FBLN5: variants seen among roughly 807,000 people sequenced by gnomAD.
FBLN5 encodes the protein fibulin 5.
FBLN5 carries 24 observed loss-of-function variants against 61.6 expected under a neutral mutation model. The observed-to-expected ratio is 0.39, with a 90% CI of 0.28 to 0.55. The LOEUF is 0.55. Among genes scored for constraint, FBLN5 ranks in the 20% least tolerant of loss-of-function variants. FBLN5 has a pLI of 0.65. For synonymous variants in FBLN5, 213 were observed against 219.8 expected (o/e 0.97, Z 0.27); for missense variants, 470 against 594.1 (o/e 0.79, Z 2.17).
At chr14:91,922,900 A>T (rs1443507031) in intron 4 of FBLN5, among the ~76,000 whole-genome samples, 4 of 152,174 alleles carry the variant, frequency 2.6e-5, no homozygotes, top group African/African-American at 9.7e-5. Flanking sequence ...CAGAGGGCTC[A>T]TCCCTGTTTT....
At chr14:91,935,383 C>G (rs1464221666) in intron 4 of FBLN5, among the ~76,000 whole-genome samples, 1 of 152,248 alleles carries the variant, frequency 6.6e-6, no homozygotes, top group Non-Finnish European at 1.5e-5. Flanking sequence ...ACCCAAGGCC[C>G]CCTGCCAAAA....
chr14:91,904,870 T>C (rs1251951155), intron 4 of FBLN5, among the ~76,000 whole-genome samples: 1 of 152,314 alleles, frequency 6.6e-6, no homozygotes, highest in East Asian at 1.9e-4. Flanking sequence ...ATGGAGTAAG[T>C]GATGTTTCCT....
chr14:91,888,686 G>A (rs1016895991), intron 6 of FBLN5, among the ~76,000 whole-genome samples: 2 of 151,254 alleles, frequency 1.3e-5, no homozygotes, highest in African/African-American at 2.4e-5. Context: ...AATTGTTTTT[G>A]AAGATTGAGA....
At chr14:91,888,518 G>C (rs1263573589) in intron 6 of FBLN5, among the ~76,000 whole-genome samples, 1 of 150,188 alleles carries the variant, frequency 6.7e-6, no homozygotes, top group Non-Finnish European at 1.5e-5. Context: ...CTGAGACAAG[G>C]GAATCGCTTG....
At chr14:91,940,441 C>A in intron 3 of FBLN5, 124 bp downstream of exon 3, 2 of 841,146 alleles carry the variant, frequency 2.4e-6, no homozygotes, top group South Asian at 2.8e-5. Flanking sequence ...TGACTTCAGT[C>A]ATTCCATGTC....
In FBLN5 at chr14:91,932,687, G is replaced by C. The variant is rs192331130; in HGVS notation, c.379+4260C>G. Among the ~76,000 whole-genome samples, 550 of 152,320 alleles carry C rather than the reference G, an allele frequency of 3.6e-3. 3 individuals are homozygous for C. The highest frequency in any genetic ancestry group is 0.012 in the African/African-American group (499 of 41,568). ...AATTGGATCAAGTCCCTAGATCTATGAGCAGCTTACAAGAAAATATAGGGG... is the reference window on the plus strand; with the variant it reads ...AATTGGATCAAGTCCCTAGATCTATCAGCAGCTTACAAGAAAATATAGGGG... On this transcript the variant is annotated intron_variant, in intron 4 of 10. Transcript: ENST00000342058.
rs1015210796 is a variant in FBLN5 at position 91,947,333 on chromosome 14, C to T, written c.-104G>A. ...CGGCCTCCTCTGGGCCCTCGGGGCT[C>T]GCGGGTGTTTTATTCCAGAGGGGCC... On this transcript the variant is annotated 5_prime_UTR_variant, in exon 1 of 11. Coordinates refer to ENST00000342058, the MANE Select transcript of FBLN5 (RefSeq NM_006329.4). This position sits in a 1 kb window ranked among gnomAD's most constrained non-coding sequence, Gnocchi z 4.3. 9.0e-5 allele frequency: 124 copies of T among 1,378,188 alleles called. No homozygotes were observed. The highest frequency in any genetic ancestry group is 1.2e-4 in the Non-Finnish European group (114 of 972,014). The allele number at this position is 1,378,188 out of a possible 1,614,324, so 85.4% of individuals were successfully genotyped here.
intron 4 of FBLN5, among the ~76,000 whole-genome samples, chr14:91,906,716 G>A (rs996497645): frequency 1.3e-5 from 2 of 152,206 alleles, no homozygotes; most frequent in African/African-American, 2.4e-5. Context: ...GCAGGGAGGC[G>A]AGGGAGCTAC....
intron 3 of FBLN5, among the ~76,000 whole-genome samples, chr14:91,938,071 C>T (rs1461027729): frequency 6.6e-6 from 1 of 152,188 alleles, no homozygotes; most frequent in African/African-American, 2.4e-5. Flanking sequence ...ACATACTATA[C>T]TCTGAAAATA....
chr14:91,911,956 A>G (rs1316000302), intron 4 of FBLN5, among the ~76,000 whole-genome samples: 1 of 152,252 alleles, frequency 6.6e-6, no homozygotes, highest in Non-Finnish European at 1.5e-5. Context: ...TTACTTTAAA[A>G]AGCATTTAGG....
At chr14:91,886,959 C>T (rs1250426682) in intron 7 of FBLN5, among the ~76,000 whole-genome samples, 1 of 152,132 alleles carries the variant, frequency 6.6e-6, no homozygotes, top group Admixed American at 6.5e-5. Context: ...AAGGTAGCCC[C>T]ATTAATTTTT....
intron 4 of FBLN5, among the ~76,000 whole-genome samples, chr14:91,935,015 TAGAA>T (rs2055989520): frequency 6.6e-6 from 1 of 152,138 alleles, no homozygotes; most frequent in African/African-American, 2.4e-5. Flanking sequence ...GAAGGGAAGT[TAGAA>T]AGAACTCAGG....
chr14:91,883,671 A>C (rs1331955248), intron 7 of FBLN5, among the ~76,000 whole-genome samples: 1 of 147,462 alleles, frequency 6.8e-6, no homozygotes, highest in Non-Finnish European at 1.5e-5. Context: ...AAAAACACAC[A>C]CACACAAAAA....
In FBLN5 at chr14:91,937,002, G is replaced by A. The variant is rs1173799903; in HGVS notation, c.324C>T (p.Ser108=). 2.5e-6 allele frequency: 4 copies of A among 1,614,056 alleles called. No homozygotes were observed. The highest frequency in any genetic ancestry group is 3.4e-6 in the Non-Finnish European group (4 of 1,180,038). The change falls in exon 4 of 11, where the codon TCC becomes TCT. Residue 108 remains serine (S), a synonymous_variant. Transcript: ENST00000342058. ...ATCCAAAGCGGCATATAAGAGGCCTGGAGATCGTGGGATAGTTTGGAGCTG... is the reference window on the plus strand; with the variant it reads ...ATCCAAAGCGGCATATAAGAGGCCTAGAGATCGTGGGATAGTTTGGAGCTG... ...PLSAPNYPTI[S]RPLICRFGYQ...
intron 4 of FBLN5, among the ~76,000 whole-genome samples, chr14:91,902,244 T>G (rs1031944994): frequency 6.6e-6 from 1 of 151,460 alleles, no homozygotes; most frequent in Non-Finnish European, 1.5e-5. Flanking sequence ...TCATGTCTAA[T>G]GTCAATCTAG....
At chr14:91,935,772 A>G (rs953503260) in intron 4 of FBLN5, among the ~76,000 whole-genome samples, 3 of 152,238 alleles carry the variant, frequency 2.0e-5, no homozygotes, top group Non-Finnish European at 4.4e-5. Context: ...GCATGTTACC[A>G]TCTTCTCCAC....
At chr14:91,871,133 T>C (rs1257853371) in intron 10 of FBLN5, among the ~76,000 whole-genome samples, 1 of 149,252 alleles carries the variant, frequency 6.7e-6, no homozygotes, top group Admixed American at 6.8e-5. Context: ...ACAACCAACA[T>C]GCACATGTAC....
At chr14:91,898,793 A>AT (rs1890329164) in intron 4 of FBLN5, among the ~76,000 whole-genome samples, 1 of 121,786 alleles carries the variant, frequency 8.2e-6, no homozygotes, top group African/African-American at 3.2e-5. Flanking sequence ...TCATTCATTC[A>AT]TTCTTTTTTT....
chr14:91,906,896 C>T (rs550491566), intron 4 of FBLN5, among the ~76,000 whole-genome samples: 11 of 152,340 alleles, frequency 7.2e-5, no homozygotes, highest in African/African-American at 2.2e-4. Flanking sequence ...AGATAAATGA[C>T]ACACAGGCCC....
Sources: gnomAD v4.1 joint callset for allele counts (sites outside exome capture counted in the v4.1 genomes callset) on GRCh38, gnomAD v4.1.1 for gene constraint, Gnocchi (gnomAD v3.1) non-coding constraint, MANE v1.5 for transcripts, NCBI Gene and HGNC (gene_info 2026-07-23, HGNC 2026-07-21) for gene names.